OTUD3: variants seen among roughly 807,000 people sequenced by gnomAD.
OTUD3 encodes the protein OTU deubiquitinase 3.
Under a neutral mutation model 46.2 loss-of-function variants are expected in OTUD3, and 24 were observed. The observed-to-expected ratio is 0.52, with a 90% CI of 0.38 to 0.73. The LOEUF is 0.73. Among genes scored for constraint, OTUD3 ranks in the 30% least tolerant of loss-of-function variants. OTUD3 has a pLI of 0.00. For synonymous variants in OTUD3, 189 were observed against 195.4 expected, an observed-to-expected ratio of 0.97 and a Z score of 0.27; for missense variants, 455 against 523.3, an observed-to-expected ratio of 0.87 and a Z score of 1.27.
intron 6 of OTUD3, 107 bp from the exon 7 acceptor site, chr1:19,906,325 C>A: frequency 1.1e-6 from 1 of 928,038 alleles, no homozygotes; most frequent in Non-Finnish European, 1.6e-6. Flanking sequence ...AACTTACTTC[C>A]CTTATGACTG....
chr1:19,898,900 A>G (rs564540907), intron 4 of OTUD3, among the ~76,000 whole-genome samples: 11 of 152,140 alleles, frequency 7.2e-5, no homozygotes, highest in African/African-American at 1.7e-4. Context: ...AGGCTTGTCT[A>G]CGTGGACTCC....
chr1:19,898,833 T>C (rs1483756220), intron 4 of OTUD3, among the ~76,000 whole-genome samples: 2 of 152,152 alleles, frequency 1.3e-5, no homozygotes, highest in Non-Finnish European at 2.9e-5. Flanking sequence ...TTTTTTGAGA[T>C]AAGGTCTCGC....
chr1:19,885,057 G>C (rs1363931463), intron 1 of OTUD3, among the ~76,000 whole-genome samples: 1 of 152,102 alleles, frequency 6.6e-6, no homozygotes. Context: ...CCAAGAGAAC[G>C]GTCCCATCTG....
At chr1:19,894,581 C>T (rs2045492333) in intron 3 of OTUD3, 101 bp downstream of exon 3, 3 of 686,668 alleles carry the variant, frequency 4.4e-6, no homozygotes, top group East Asian at 5.4e-5. Context: ...TTGAATTATG[C>T]GGAGTAACTT....
intron 4 of OTUD3, 77 bp from the exon 5 acceptor site, chr1:19,904,190 A>G: frequency 8.5e-7 from 1 of 1,178,648 alleles, no homozygotes. Flanking sequence ...TTTCCAGATT[A>G]GAGTGTCTTG....
chr1:19,887,201 C>T (rs369343151), intron 1 of OTUD3, among the ~76,000 whole-genome samples: 4 of 151,828 alleles, frequency 2.6e-5, no homozygotes, highest in African/African-American at 2.4e-5. Context: ...TCTCCTGCCT[C>T]GGCCTCCTGT....
At chr1:19,906,921 A>G (rs1325569341) in intron 7 of OTUD3, 1 of 213,110 alleles carries the variant, frequency 4.7e-6, no homozygotes, top group African/African-American at 2.3e-5. Flanking sequence ...CATGTTTTTT[A>G]TAAATGCCAT....
rs573683906 is a variant in OTUD3, at chr1:19,907,599, G to A, written c.1050G>A (p.Gln350=). The change falls in exon 8 of 8, where the codon CAG becomes CAA. Residue 350 remains glutamine (Q), a synonymous_variant. Coordinates refer to ENST00000375120, the MANE Select transcript of OTUD3 (RefSeq NM_015207.2). ...CAAACAAACAGAGGCGAGAACAGCA[G>A]TGGATGGAGAAGAAGAAGCGGCAGG... is the stretch of plus-strand genomic sequence containing the variant. ...KVTNKQRREQ[Q]WMEKKKRQEE... is the part of the protein sequence containing the mutation. 1.2e-5 allele frequency: 19 copies of A among 1,614,176 alleles called. No individual in the cohort carries two copies. The South Asian group carries it at 2.1e-4, about 18-fold the overall frequency.
chr1:19,891,190 T>C (rs1414408646), intron 2 of OTUD3, among the ~76,000 whole-genome samples: 1 of 152,208 alleles, frequency 6.6e-6, no homozygotes, highest in East Asian at 1.9e-4. Context: ...AAACACAATC[T>C]GTTTTCTTTG....
intron 1 of OTUD3, among the ~76,000 whole-genome samples, chr1:19,887,006 A>G (rs1199584574): frequency 1.3e-5 from 2 of 152,154 alleles, no homozygotes; most frequent in Non-Finnish European, 2.9e-5. Context: ...TATTTAAGCT[A>G]TTGTATCTAA....
chr1:19,898,278 A>G (rs1462773332), intron 4 of OTUD3, among the ~76,000 whole-genome samples: 2 of 152,044 alleles, frequency 1.3e-5, no homozygotes, highest in Non-Finnish European at 2.9e-5. Flanking sequence ...AAATCTGAAA[A>G]CTATAGTAAA....
At chr1:19,895,084 A>G (rs901496092) in intron 3 of OTUD3, among the ~76,000 whole-genome samples, 5 of 152,240 alleles carry the variant, frequency 3.3e-5, no homozygotes, top group African/African-American at 9.6e-5. Flanking sequence ...ACATTGATAC[A>G]TAACTGGAAA....
intron 4 of OTUD3, among the ~76,000 whole-genome samples, chr1:19,903,239 A>G (rs758594201): frequency 1.3e-5 from 2 of 151,502 alleles, no homozygotes; most frequent in Non-Finnish European, 2.9e-5. Context: ...TTTTGTAGAG[A>G]CGGGATGTCA....
intron 1 of OTUD3, among the ~76,000 whole-genome samples, chr1:19,886,975 G>A (rs1360637111): frequency 1.3e-5 from 2 of 151,998 alleles, no homozygotes; most frequent in East Asian, 3.8e-4. Context: ...AGAAACAGGT[G>A]AAACTAATTT....
intron 2 of OTUD3, among the ~76,000 whole-genome samples, chr1:19,890,882 T>TA (rs754769697): frequency 2.0e-5 from 3 of 152,218 alleles, no homozygotes; most frequent in Non-Finnish European, 2.9e-5. Flanking sequence ...TCTGGAAAGA[T>TA]ACTAACATTT....
intron 7 of OTUD3, 95 bp from the exon 8 acceptor site, chr1:19,907,475 A>G: frequency 8.3e-7 from 1 of 1,203,042 alleles, no homozygotes; most frequent in Non-Finnish European, 1.2e-6. Context: ...TCCTGCTGAA[A>G]AGCAATCTGT....
In OTUD3 at chr1:19,910,962, ACT is replaced by A. The variant is rs1186039756; in HGVS notation, c.*3219_*3220del. On this transcript the variant is annotated 3_prime_UTR_variant, in exon 8 of 8. Transcript: ENST00000375120. ...TGTGCAATTTCTCTAATTCTGAGAA[ACT>A]CTGTAGACTCTGCCTGGGTTTTACT... is the stretch of plus-strand genomic sequence containing the variant. 6.6e-6 allele frequency: 1 copy of A among 151,774 alleles called. No homozygotes were observed. Among genetic ancestry groups the A allele is most frequent in the African/African-American group, 2.4e-5 (1 of 41,210 alleles). The allele number at this position is 151,774 out of a possible 1,614,324, so 9.4% of individuals were successfully genotyped here.
At chr1:19,883,556 G>GT (rs1352358901) in intron 1 of OTUD3, among the ~76,000 whole-genome samples, 3 of 152,124 alleles carry the variant, frequency 2.0e-5, no homozygotes, top group African/African-American at 2.4e-5. Context: ...CCTGGCTTTT[G>GT]TTTTTTTCCT....
intron 1 of OTUD3, among the ~76,000 whole-genome samples, chr1:19,885,057 G>A (rs1363931463): frequency 6.6e-6 from 1 of 152,102 alleles, no homozygotes; most frequent in East Asian, 1.9e-4. Flanking sequence ...CCAAGAGAAC[G>A]GTCCCATCTG....
Sources: gnomAD v4.1 joint callset for allele counts (sites outside exome capture counted in the v4.1 genomes callset) on GRCh38, gnomAD v4.1.1 for gene constraint, MANE v1.5 for transcripts, NCBI Gene and HGNC (gene_info 2026-07-23, HGNC 2026-07-21) for gene names.